The following RIMBP2 variants were observed in gnomAD, a reference collection of about 807,000 sequenced individuals.
RIMBP2 encodes the protein RIMS binding protein 2, also known as RIMS-binding protein 2.
A neutral mutation model predicts 118.6 loss-of-function variants in RIMBP2; 48 were observed. The observed-to-expected ratio is 0.40, with a 90% CI of 0.32 to 0.51. The LOEUF is 0.51. Ranked by LOEUF, RIMBP2 falls within the 20% of genes least tolerant of loss-of-function variation. The pLI, the probability that RIMBP2 is intolerant of heterozygous loss-of-function variation, is 0.41. For synonymous variants in RIMBP2, 762 were observed against 742.9 expected (o/e 1.03, Z -0.42); for missense variants, 1,551 against 1,768.3 (o/e 0.88, Z 2.20).
chr12:130,509,030 G>A (rs900578552), intron 3 of RIMBP2, among the ~76,000 whole-genome samples: 10 of 152,014 alleles, frequency 6.6e-5, no homozygotes, highest in Non-Finnish European at 1.5e-4. Context: ...AGAAATGATG[G>A]ATCAGCATGA....
At chr12:130,685,769 G>A (rs1428347242) in intron 1 of RIMBP2, among the ~76,000 whole-genome samples, 1 of 152,114 alleles carries the variant, frequency 6.6e-6, no homozygotes, top group African/African-American at 2.4e-5. Context: ...ATTCACAGAT[G>A]CCCTGCTCTG....
chr12:130,461,060 C>A (rs1007125041), intron 6 of RIMBP2, among the ~76,000 whole-genome samples: 3 of 152,192 alleles, frequency 2.0e-5, no homozygotes, highest in African/African-American at 7.2e-5. Context: ...CACAAGGGAC[C>A]CATCCGCACG....
rs560059597 is a variant in RIMBP2, at chr12:130,555,604, C to A, written c.-216-37687G>T. On this transcript the variant is annotated intron_variant, in intron 2 of 22. Coordinates refer to ENST00000690449, the MANE Select transcript of RIMBP2 (RefSeq NM_001393629.1). ...GTAGATACATTTGTTTCCCAGAAAA[C>A]CATCTGAATGTCTTAAAATCTAATA... is the stretch of plus-strand genomic sequence containing the variant. Among the ~76,000 whole-genome samples, 21 of 151,996 alleles carry A rather than the reference C, an allele frequency of 1.4e-4. No homozygotes were observed. In the South Asian group the frequency reaches 4.2e-3, roughly 30 times the overall value.
chr12:130,536,260 T>G (rs937939392), intron 2 of RIMBP2, among the ~76,000 whole-genome samples: 3 of 152,122 alleles, frequency 2.0e-5, no homozygotes, highest in African/African-American at 4.8e-5. Flanking sequence ...AATATAATTT[T>G]GGGTTAACAG....
rs1044575079 is a variant in RIMBP2 at position 130,710,593 on chromosome 12, T to C, written c.-352+5629A>G. On this transcript the variant is annotated intron_variant, in intron 1 of 22. Coordinates refer to ENST00000690449, the MANE Select transcript of RIMBP2 (RefSeq NM_001393629.1). The surrounding 1 kb of genome is among the most constrained non-coding windows in gnomAD (Gnocchi z 4.3). ...AAAGGTTTGCTGAATGAATAGGTCA[T>C]GCCCTGCCTTCCTGGGTCCCACACA... 6.6e-6 allele frequency among the ~76,000 whole-genome samples: 1 copy of C among 152,148 alleles called. No homozygotes were observed. Among genetic ancestry groups the C allele is most frequent in the Non-Finnish European group, 1.5e-5 (1 of 68,034 alleles).
intron 1 of RIMBP2, among the ~76,000 whole-genome samples, chr12:130,675,326 C>T (rs1475000586): frequency 1.3e-5 from 2 of 152,192 alleles, no homozygotes; most frequent in Non-Finnish European, 2.9e-5. Flanking sequence ...CACACAGCGC[C>T]CCGTGGAGCA....
chr12:130,421,746 C>T (rs1018234246), intron 17 of RIMBP2, among the ~76,000 whole-genome samples: 2 of 148,138 alleles, frequency 1.4e-5, no homozygotes, highest in Non-Finnish European at 3.0e-5. Context: ...CCTGGTTCCT[C>T]TGTGCTGATG....
chr12:130,437,329 G>A, intron 12 of RIMBP2, 38 bp from the exon 13 acceptor site: 1 of 1,524,982 alleles, frequency 6.6e-7, no homozygotes, highest in Middle Eastern at 1.7e-4. Flanking sequence ...GCTGCCCGAG[G>A]TGAGCCCCGC....
At chr12:130,436,197 G>A (rs935475202) in intron 13 of RIMBP2, among the ~76,000 whole-genome samples, 2 of 152,266 alleles carry the variant, frequency 1.3e-5, no homozygotes, top group South Asian at 2.1e-4. Flanking sequence ...TCTCAAAAAC[G>A]CACGTCCCGT....
At chr12:130,655,318 G>C (rs1461498803) in intron 1 of RIMBP2, among the ~76,000 whole-genome samples, 1 of 152,160 alleles carries the variant, frequency 6.6e-6, no homozygotes, top group Non-Finnish European at 1.5e-5. Flanking sequence ...TATACCAACT[G>C]TCTGCCACTC....
rs143772944 is a variant in RIMBP2, at chr12:130,510,189, C to T, written c.-126-3419G>A. ...CATTCTCCCACAGGTGTGTTACAAA[C>T]GGCGCCAGAAGCTAGAGTCCAGCTG... On this transcript the variant is annotated intron_variant, in intron 3 of 22. Transcript: ENST00000690449. 2.1e-3 allele frequency among the ~76,000 whole-genome samples: 315 copies of T among 152,322 alleles called. 1 individual carries two copies. Among genetic ancestry groups the T allele is most frequent in the African/African-American group, 7.1e-3 (295 of 41,582 alleles).
At chr12:130,711,888 C>A (rs369740566) in intron 1 of RIMBP2, among the ~76,000 whole-genome samples, 3 of 152,252 alleles carry the variant, frequency 2.0e-5, no homozygotes, top group Admixed American at 6.5e-5. Flanking sequence ...GCCTCCTCCA[C>A]GCCCTGGCTC....
chr12:130,625,620 G>A (rs964497287), intron 2 of RIMBP2, among the ~76,000 whole-genome samples: 6 of 152,150 alleles, frequency 3.9e-5, no homozygotes, highest in African/African-American at 1.4e-4. Flanking sequence ...CTTCTAGAGT[G>A]AGAACAAGAG....
At chr12:130,490,263 A>T (rs57471448) in intron 4 of RIMBP2, among the ~76,000 whole-genome samples, 1 of 151,462 alleles carries the variant, frequency 6.6e-6, no homozygotes, top group Admixed American at 6.6e-5. Flanking sequence ...TAAGTTAAAA[A>T]AAAAACTCAC....
intron 1 of RIMBP2, among the ~76,000 whole-genome samples, chr12:130,650,056 G>A (rs1275426605): frequency 1.3e-5 from 2 of 151,900 alleles, no homozygotes; most frequent in Non-Finnish European, 1.5e-5. Context: ...CTGAGGACCT[G>A]CTCCTCCAGT....
At chr12:130,597,705 C>T (rs531818454) in intron 2 of RIMBP2, among the ~76,000 whole-genome samples, 1 of 152,316 alleles carries the variant, frequency 6.6e-6, no homozygotes, top group East Asian at 1.9e-4. Context: ...TAACTGATAA[C>T]ACCACTCAGC....
chr12:130,573,618 G>A (rs1023236219), intron 2 of RIMBP2, among the ~76,000 whole-genome samples: 1 of 152,132 alleles, frequency 6.6e-6, no homozygotes, highest in Admixed American at 6.5e-5. Context: ...GTGACTCTAG[G>A]ACAGGGCAGG....
chr12:130,455,417 G>A (rs1183106744), intron 7 of RIMBP2, among the ~76,000 whole-genome samples: 2 of 152,222 alleles, frequency 1.3e-5, no homozygotes, highest in Admixed American at 6.5e-5. Context: ...GTCTCTCAGC[G>A]TTGCAACCTA....
At chr12:130,399,297 A>G (rs2074301551) in intron 22 of RIMBP2, 1 of 470,326 alleles carries the variant, frequency 2.1e-6, no homozygotes, top group Non-Finnish European at 3.3e-6. Context: ...ATGCTTGAGA[A>G]GCCCTTGGAT....
Sources: allele counts gnomAD v4.1 joint callset (sites outside exome capture counted in the v4.1 genomes callset), GRCh38; gene constraint gnomAD v4.1.1; non-coding constraint Gnocchi (gnomAD v3.1); transcripts MANE v1.5; gene names NCBI Gene and HGNC (gene_info 2026-07-23, HGNC 2026-07-21).